Variants in NTRK2 observed in about 807,000 individuals in gnomAD.
The protein encoded by NTRK2 is neurotrophic receptor tyrosine kinase 2.
NTRK2 carries 13 observed loss-of-function variants against 94.5 expected under a neutral mutation model. The ratio of observed to expected loss-of-function variants is 0.14; its 90% CI spans 0.09 to 0.22. NTRK2 has a LOEUF of 0.22. NTRK2 is among the 10% of genes least tolerant of loss of function. The pLI is 1.00. For synonymous variants in NTRK2, 372 were observed against 407.4 expected, an observed-to-expected ratio of 0.91 and a Z score of 1.05; for missense variants, 639 against 1,071.2, an observed-to-expected ratio of 0.60 and a Z score of 5.63.
chr9:84,738,152 T>C (rs999726064), intron 9 of NTRK2, among the ~76,000 whole-genome samples: 9 of 151,444 alleles, frequency 5.9e-5, no homozygotes, highest in African/African-American at 2.2e-4. Flanking sequence ...ATTTAAGGCT[T>C]GACGCTACTT....
intron 14 of NTRK2, among the ~76,000 whole-genome samples, chr9:84,881,575 T>G (rs1295710781): frequency 6.6e-6 from 1 of 152,232 alleles, no homozygotes; most frequent in African/African-American, 2.4e-5. Flanking sequence ...GTAAACTGAA[T>G]GAACAAAAGA....
intron 12 of NTRK2, among the ~76,000 whole-genome samples, chr9:84,833,176 G>A (rs2073670984): frequency 6.6e-6 from 1 of 152,132 alleles, no homozygotes; most frequent in Non-Finnish European, 1.5e-5. Flanking sequence ...GGGTTCTGAT[G>A]CACACTAAGG....
At chr9:84,685,365 C>CT (rs35011896) in intron 2 of NTRK2, among the ~76,000 whole-genome samples, 24,887 of 143,300 alleles carry the variant, frequency 0.17, 3,973 homozygotes, top group African/African-American at 0.43. Flanking sequence ...ACAGCTTCTT[C>CT]TTTTTTTTTT....
At chr9:84,811,248 A>G (rs1263177657) in intron 12 of NTRK2, 20 of 1,064,578 alleles carry the variant, frequency 1.9e-5, no homozygotes, top group African/African-American at 4.9e-5. Flanking sequence ...AAACAATGTT[A>G]AGGATTGTCT....
At chr9:84,819,890 C>G (rs529638271) in intron 12 of NTRK2, among the ~76,000 whole-genome samples, 151 of 152,272 alleles carry the variant, frequency 9.9e-4, no homozygotes, top group African/African-American at 3.1e-3. Context: ...CTGTGTGGCC[C>G]TACAATATAT....
At position 84,970,388 on chromosome 9, in the gene NTRK2, A is replaced by G. The variant is rs145667682; in HGVS notation, c.2172+14871A>G. Among the ~76,000 whole-genome samples the G allele has an allele frequency of 5.5e-3, 829 of 152,056 alleles. 10 individuals carry two copies. Among genetic ancestry groups the G allele is most frequent in the African/African-American group, 0.019 (785 of 41,526 alleles). On this transcript the variant is annotated intron_variant, in intron 17 of 18. Coordinates refer to ENST00000277120, the MANE Select transcript of NTRK2 (RefSeq NM_006180.6). ...CAAAAAATAAAAAAATAAAAAATAA[A>G]TAAAAATAATAAAAAATAAAAAATG...
chr9:84,832,248 A>G (rs1226299250), intron 12 of NTRK2, among the ~76,000 whole-genome samples: 1 of 152,218 alleles, frequency 6.6e-6, no homozygotes, highest in South Asian at 2.1e-4. Context: ...TACACAAGCA[A>G]TTGGCACCCA....
chr9:84,691,110 G>A (rs2060024732), intron 2 of NTRK2, among the ~76,000 whole-genome samples: 1 of 152,168 alleles, frequency 6.6e-6, no homozygotes, highest in Non-Finnish European at 1.5e-5. Flanking sequence ...CAACTTCCTG[G>A]CAGTGAAAAG....
chr9:84,750,137 TG>T (rs1283776507), intron 11 of NTRK2, among the ~76,000 whole-genome samples: 1 of 152,100 alleles, frequency 6.6e-6, no homozygotes, highest in South Asian at 2.1e-4. Flanking sequence ...ATCCTTTGTT[TG>T]GGGGGCTGTC....
chr9:84,798,771 G>A (rs1362418738), intron 12 of NTRK2, among the ~76,000 whole-genome samples: 6 of 152,036 alleles, frequency 3.9e-5, no homozygotes, highest in Non-Finnish European at 7.4e-5. Flanking sequence ...TAACAAAGTA[G>A]ATCTGTTTCA....
chr9:84,925,376 C>T (rs957530040), intron 14 of NTRK2, among the ~76,000 whole-genome samples: 4 of 152,208 alleles, frequency 2.6e-5, no homozygotes, highest in Admixed American at 6.5e-5. Context: ...CCCACAGGCT[C>T]GGCCTCCATT....
At chr9:84,903,823 C>T (rs1260375473) in intron 14 of NTRK2, among the ~76,000 whole-genome samples, 1 of 152,002 alleles carries the variant, frequency 6.6e-6, no homozygotes. Context: ...GGAAATGCTT[C>T]ATCAGTGAAC....
intron 12 of NTRK2, among the ~76,000 whole-genome samples, chr9:84,830,410 T>C (rs2073465417): frequency 6.6e-6 from 1 of 152,176 alleles, no homozygotes; most frequent in South Asian, 2.1e-4. Context: ...AGTTTCCCAA[T>C]AAGTAGCTGT....
intron 14 of NTRK2, among the ~76,000 whole-genome samples, chr9:84,870,329 G>GTGTA (rs1554757556): frequency 4.9e-5 from 1 of 20,554 alleles, no homozygotes; most frequent in African/African-American, 1.2e-4. Flanking sequence ...GGGTGTGTGT[G>GTGTA]TGTATATATA....
At chr9:84,742,789 G>GTTTTTTTTTTTT (rs757253032) in intron 10 of NTRK2, among the ~76,000 whole-genome samples, 17 of 103,676 alleles carry the variant, frequency 1.6e-4, no homozygotes, top group African/African-American at 6.8e-4. Context: ...CATTATATTA[G>GTTTTTTTTTTTT]TTTTTTTTTT....
At chr9:84,722,244 T>G (rs1216274300) in intron 6 of NTRK2, among the ~76,000 whole-genome samples, 4 of 149,264 alleles carry the variant, frequency 2.7e-5, no homozygotes, top group African/African-American at 1.0e-4. Flanking sequence ...AGGAAGAGTT[T>G]GGAAGGGGGG....
chr9:84,914,457 C>A (rs948837060), intron 14 of NTRK2, among the ~76,000 whole-genome samples: 1 of 151,998 alleles, frequency 6.6e-6, no homozygotes, highest in Non-Finnish European at 1.5e-5. Context: ...CTATTTAAAC[C>A]TTCTGTTTGA....
intron 14 of NTRK2, among the ~76,000 whole-genome samples, chr9:84,923,423 G>A (rs1284468123): frequency 3.9e-5 from 6 of 152,084 alleles, no homozygotes; most frequent in Non-Finnish European, 8.8e-5. Flanking sequence ...TAGAGTATGT[G>A]CACAGAGAAG....
At chr9:84,671,925 T>G (rs2058722267) in intron 2 of NTRK2, among the ~76,000 whole-genome samples, 1 of 152,246 alleles carries the variant, frequency 6.6e-6, no homozygotes, top group African/African-American at 2.4e-5. Context: ...TTATCATTTT[T>G]TTCCTGAAGG....
Sources: gnomAD v4.1 joint callset for allele counts (sites outside exome capture counted in the v4.1 genomes callset) on GRCh38, gnomAD v4.1.1 for gene constraint, MANE v1.5 for transcripts, NCBI Gene and HGNC (gene_info 2026-07-23, HGNC 2026-07-21) for gene names.